The following TMEM117 variants were observed in gnomAD, a reference collection of about 807,000 sequenced individuals.
TMEM117 encodes the protein transmembrane protein 117.
In TMEM117, 27 loss-of-function variants were observed where a neutral mutation model predicts 52.4. The ratio of observed to expected loss-of-function variants is 0.51; its 90% confidence interval spans 0.38 to 0.71. The LOEUF (loss-of-function observed/expected upper bound fraction) is 0.71, where lower values mean the gene tolerates loss of function less well. Ranked by LOEUF, TMEM117 falls within the 30% of genes least tolerant of loss-of-function variation. TMEM117 has a pLI of 0.00. For missense variants in TMEM117, 556 were observed against 630.5 expected (o/e 0.88, Z 1.26); for synonymous variants, 215 against 206.3 (o/e 1.04, Z -0.36).
At chr12:43,987,771 A>G (rs1023462183) in intron 3 of TMEM117, among the ~76,000 whole-genome samples, 1 of 152,154 alleles carries the variant, frequency 6.6e-6, no homozygotes, top group African/African-American at 2.4e-5. Flanking sequence ...TACATTAATC[A>G]TGGACTACAT....
chr12:44,310,896 A>C (rs1043464388), intron 6 of TMEM117, among the ~76,000 whole-genome samples: 23 of 152,280 alleles, frequency 1.5e-4, no homozygotes, highest in African/African-American at 5.5e-4. Flanking sequence ...GCCTGGAAAT[A>C]CGAGTTTAAA....
At chr12:43,971,532 C>T (rs571681397) in intron 3 of TMEM117, among the ~76,000 whole-genome samples, 1 of 152,288 alleles carries the variant, frequency 6.6e-6, no homozygotes, top group Admixed American at 6.5e-5. Flanking sequence ...CAGCCCCTAC[C>T]CTCCACGCCT....
chr12:43,914,317 C>T lies in TMEM117; in HGVS notation c.278-29893C>T, dbSNP rs539681197. ...ATTACTGCTTTCTTCCTTTCTCAGA[C>T]CTGCAGGTCTGCTAAGAAACTTAGC... On this transcript the variant is annotated intron_variant, in intron 2 of 7. Coordinates refer to ENST00000266534, the MANE Select transcript of TMEM117 (RefSeq NM_032256.3). Among the ~76,000 whole-genome samples the T allele has an allele frequency of 2.4e-4, 37 of 152,254 alleles. 1 individual carries two copies. The highest frequency in any genetic ancestry group is 8.2e-4 in the African/African-American group (34 of 41,548).
chr12:43,928,145 T>C (rs1257163522), intron 2 of TMEM117, among the ~76,000 whole-genome samples: 4 of 152,126 alleles, frequency 2.6e-5, no homozygotes, highest in Admixed American at 2.6e-4. Context: ...CTAAAGCTGA[T>C]CAATATCTTA....
chr12:43,823,025 A>C, the TMEM117 span, among the ~76,000 whole-genome samples: 1 of 152,224 alleles, frequency 6.6e-6, no homozygotes, highest in African/African-American at 2.4e-5. Context: ...AGGGATATCA[A>C]GTCAAAGTCA....
intron 4 of TMEM117, among the ~76,000 whole-genome samples, chr12:44,160,958 G>A (rs1033061765): frequency 1.3e-5 from 2 of 152,132 alleles, no homozygotes; most frequent in African/African-American, 4.8e-5. Context: ...TTTATTTAGA[G>A]CCAAATGGTA....
intron 3 of TMEM117, among the ~76,000 whole-genome samples, chr12:44,137,132 T>C (rs988797434): frequency 2.7e-4 from 41 of 151,886 alleles, no homozygotes; most frequent in African/African-American, 9.2e-4. Context: ...TTATTACCCT[T>C]GATGAAGCAA....
intron 4 of TMEM117, among the ~76,000 whole-genome samples, chr12:44,178,234 A>G (rs906069370): frequency 3.3e-5 from 5 of 152,312 alleles, no homozygotes; most frequent in South Asian, 2.1e-4. Context: ...TTATTGACCC[A>G]TATTGAATGC....
intron 3 of TMEM117, among the ~76,000 whole-genome samples, chr12:44,022,192 C>G (rs1946465981): frequency 1.3e-5 from 2 of 152,140 alleles, no homozygotes; most frequent in Non-Finnish European, 2.9e-5. Context: ...GAGTTTGAGC[C>G]TTGATTACTC....
chr12:44,092,042 CAAG>C (rs1947682219), intron 3 of TMEM117, among the ~76,000 whole-genome samples: 1 of 152,138 alleles, frequency 6.6e-6, no homozygotes, highest in Admixed American at 6.6e-5. Flanking sequence ...CCATGTGACA[CAAG>C]AAGATACTCA....
intron 2 of TMEM117, among the ~76,000 whole-genome samples, chr12:43,913,969 T>C (rs1944558152): frequency 6.6e-6 from 1 of 152,162 alleles, no homozygotes; most frequent in African/African-American, 2.4e-5. Context: ...ATTGACTTAG[T>C]TCTGTTAATG....
intron 5 of TMEM117, among the ~76,000 whole-genome samples, chr12:44,276,890 T>TTGTGTGTGTGTG (rs1393191637): frequency 2.1e-5 from 3 of 145,186 alleles, no homozygotes; most frequent in African/African-American, 8.1e-5. Context: ...CATGAAAAGT[T>TTGTGTGTGTGTG]TGTGTGTGTG....
chr12:44,285,962 T>G (rs929259323), intron 5 of TMEM117, among the ~76,000 whole-genome samples: 3 of 152,246 alleles, frequency 2.0e-5, no homozygotes, highest in Non-Finnish European at 2.9e-5. Context: ...AATTCCATTG[T>G]CATGCCATAT....
chr12:44,189,218 C>T (rs2138337780), intron 4 of TMEM117, among the ~76,000 whole-genome samples: 1 of 152,156 alleles, frequency 6.6e-6, no homozygotes, highest in African/African-American at 2.4e-5. Context: ...ATGAATAACT[C>T]CAATATCCAC....
chr12:44,269,145 C>T (rs1326764954), intron 5 of TMEM117, among the ~76,000 whole-genome samples: 1 of 152,048 alleles, frequency 6.6e-6, no homozygotes, highest in African/African-American at 2.4e-5. Flanking sequence ...TATTGTCTGA[C>T]ATTCAAACTG....
At chr12:43,838,101 T>G (rs1416782531) in intron 1 of TMEM117, among the ~76,000 whole-genome samples, 1 of 152,228 alleles carries the variant, frequency 6.6e-6, no homozygotes, top group African/African-American at 2.4e-5. Context: ...AGTTCTAACT[T>G]TATTTCTGTT....
intron 1 of TMEM117, among the ~76,000 whole-genome samples, chr12:43,836,851 A>C (rs962347874): frequency 2.0e-5 from 3 of 152,062 alleles, no homozygotes; most frequent in Non-Finnish European, 4.4e-5. Context: ...TCACATGCTT[A>C]TCAGGAACCA....
At chr12:44,183,993 A>G (rs563116990) in intron 4 of TMEM117, among the ~76,000 whole-genome samples, 3 of 152,250 alleles carry the variant, frequency 2.0e-5, no homozygotes, top group East Asian at 3.9e-4. Context: ...ACCAATCTAG[A>G]TACTGCTGGG....
chr12:44,371,750 G>T (rs956545614), intron 6 of TMEM117, among the ~76,000 whole-genome samples: 1 of 152,070 alleles, frequency 6.6e-6, no homozygotes, highest in African/African-American at 2.4e-5. Context: ...AAAACATAGG[G>T]AAATTATGAA....
Sources: gnomAD v4.1 joint callset for allele counts (sites outside exome capture counted in the v4.1 genomes callset) on GRCh38, gnomAD v4.1.1 for gene constraint, MANE v1.5 for transcripts, NCBI Gene and HGNC (gene_info 2026-07-23, HGNC 2026-07-21) for gene names.